Variants in OR2L13 observed in about 807,000 individuals in gnomAD.
OR2L13 encodes olfactory receptor 2L13.
OR2L13 carries 14 observed loss-of-function variants against 15.3 expected under a neutral mutation model. That is an observed-to-expected ratio of 0.91 (90% CI 0.60 to 1.43). The LOEUF is 1.43. Among genes scored for constraint, OR2L13 ranks in the 40% most tolerant of loss-of-function variants. The pLI, the probability that OR2L13 is intolerant of heterozygous loss-of-function variation, is 0.00. For synonymous variants in OR2L13, 152 were observed against 142.9 expected (o/e 1.06, Z -0.45); for missense variants, 367 against 387.9 (o/e 0.95, Z 0.45).
the OR2L13 span, chr1:248,038,356 T>C: frequency 6.2e-6 from 10 of 1,613,408 alleles, no homozygotes; most frequent in African/African-American, 1.2e-4. Context: ...TTCACCCTCA[T>C]TTTTCTCATT....
chr1:248,091,475 G>A (rs1321949515), upstream of OR2L13, among the ~76,000 whole-genome samples: 2 of 152,042 alleles, frequency 1.3e-5, no homozygotes, highest in African/African-American at 4.8e-5. Flanking sequence ...TGTAAAAAGG[G>A]TTCCAGTTAC....
the OR2L13 span, among the ~76,000 whole-genome samples, chr1:248,025,601 A>G: frequency 3.4e-5 from 5 of 148,520 alleles, no homozygotes; most frequent in Non-Finnish European, 7.4e-5. Context: ...ATTACTGGGT[A>G]TATACCCAAA....
the OR2L13 span, among the ~76,000 whole-genome samples, chr1:248,087,836 G>A: frequency 6.6e-6 from 1 of 152,160 alleles, no homozygotes; most frequent in African/African-American, 2.4e-5. Flanking sequence ...TGTAAGGATA[G>A]CAAGCACAAT....
chr1:247,959,876 A>G, the OR2L13 span, among the ~76,000 whole-genome samples: 24 of 152,150 alleles, frequency 1.6e-4, 1 homozygote, highest in South Asian at 4.2e-3. Context: ...ACTTCTTTGC[A>G]ATGGGTTCGA....
At chr1:247,976,858 A>G in the OR2L13 span, among the ~76,000 whole-genome samples, 1 of 152,196 alleles carries the variant, frequency 6.6e-6, no homozygotes, top group African/African-American at 2.4e-5. Flanking sequence ...GCAGTCCTTC[A>G]TTACATTAAG....
chr1:248,099,965 T>C, exon 3 of OR2L13: 3 of 1,614,142 alleles, frequency 1.9e-6, no homozygotes, highest in Non-Finnish European at 2.5e-6. Context: ...TATGAATATA[T>C]GGTTTTTGTA....
chr1:248,068,675 C>T, the OR2L13 span, among the ~76,000 whole-genome samples: 23 of 152,226 alleles, frequency 1.5e-4, no homozygotes, highest in Middle Eastern at 3.4e-3. Flanking sequence ...CAAACTACTC[C>T]GAGCTACAGG....
the OR2L13 span, among the ~76,000 whole-genome samples, chr1:247,967,263 C>T: frequency 1.3e-5 from 2 of 151,756 alleles, no homozygotes; most frequent in Non-Finnish European, 2.9e-5. Context: ...GAGTCTTGTT[C>T]TCTCGCCCAG....
the OR2L13 span, chr1:248,021,778 T>G: frequency 1.8e-5 from 9 of 498,168 alleles, no homozygotes; most frequent in Non-Finnish European, 2.1e-5. Context: ...AAATTAAAAT[T>G]TATAATACAT....
the OR2L13 span, chr1:247,966,432 T>G: frequency 7.9e-7 from 1 of 1,258,092 alleles, no homozygotes; most frequent in Non-Finnish European, 1.1e-6. Context: ...AAACAGTGTT[T>G]ATCAATCTTG....
chr1:248,092,165 G>C (rs1664611356), upstream of OR2L13, among the ~76,000 whole-genome samples: 1 of 152,062 alleles, frequency 6.6e-6, no homozygotes, highest in South Asian at 2.1e-4. Context: ...ATCAAATCAG[G>C]GAGCTTTTGG....
the OR2L13 span, among the ~76,000 whole-genome samples, chr1:247,953,863 T>G: frequency 6.6e-6 from 1 of 152,130 alleles, no homozygotes; most frequent in African/African-American, 2.4e-5. Flanking sequence ...CTCTTATTTT[T>G]CACTATCTTT....
At chr1:248,020,951 A>G in the OR2L13 span, among the ~76,000 whole-genome samples, 1 of 151,804 alleles carries the variant, frequency 6.6e-6, no homozygotes, top group Non-Finnish European at 1.5e-5. Flanking sequence ...AGACAATTCA[A>G]GAAGGAAATA....
At chr1:248,088,981 G>A in the OR2L13 span, among the ~76,000 whole-genome samples, 1 of 151,808 alleles carries the variant, frequency 6.6e-6, no homozygotes, top group African/African-American at 2.4e-5. Flanking sequence ...ATTTAATCCT[G>A]ACACTGACCG....
At chr1:248,076,790 A>G in the OR2L13 span, among the ~76,000 whole-genome samples, 1 of 152,244 alleles carries the variant, frequency 6.6e-6, no homozygotes. Context: ...ATCTGCAAAC[A>G]GGGACAATTT....
chr1:247,980,325 G>C, the OR2L13 span, among the ~76,000 whole-genome samples: 1 of 152,028 alleles, frequency 6.6e-6, no homozygotes, highest in Non-Finnish European at 1.5e-5. Flanking sequence ...TCCAATATGT[G>C]ATATTTTAAT....
the OR2L13 span, among the ~76,000 whole-genome samples, chr1:247,974,199 C>G: frequency 6.6e-6 from 1 of 152,038 alleles, no homozygotes; most frequent in African/African-American, 2.4e-5. Flanking sequence ...AAACATCTCA[C>G]TCATAAGCGA....
chr1:248,010,718 G>T, the OR2L13 span, among the ~76,000 whole-genome samples: 4 of 141,494 alleles, frequency 2.8e-5, no homozygotes, highest in Non-Finnish European at 4.6e-5. Context: ...TTGGTTTAAA[G>T]TCTGTTTTAT....
At chr1:247,994,894 ACACT>A in the OR2L13 span, among the ~76,000 whole-genome samples, 5,120 of 152,276 alleles carry the variant, frequency 0.034, 241 homozygotes, top group African/African-American at 0.12. Flanking sequence ...AATAAAATCA[ACACT>A]CAATCAGACT....
Sources: gnomAD v4.1 joint callset for allele counts (sites outside exome capture counted in the v4.1 genomes callset) on GRCh38, gnomAD v4.1.1 for gene constraint, MANE v1.5 for transcripts, NCBI Gene and HGNC (gene_info 2026-07-23, HGNC 2026-07-21) for gene names.